The following ANXA4 variants were observed in gnomAD, a reference collection of about 807,000 sequenced individuals.
ANXA4 encodes 35-beta calcimedin.
A neutral mutation model predicts 49.8 loss-of-function variants in ANXA4; 39 were observed. The observed-to-expected ratio is 0.78, with a 90% CI of 0.61 to 1.02. ANXA4 has a LOEUF of 1.02. Ranked by LOEUF, ANXA4 falls within the 50% of genes least tolerant of loss-of-function variation. The pLI, the probability that ANXA4 is intolerant of heterozygous loss-of-function variation, is 0.00. For synonymous variants in ANXA4, 134 were observed against 152.5 expected, an observed-to-expected ratio of 0.88 and a Z score of 0.89; for missense variants, 360 against 410.1, an observed-to-expected ratio of 0.88 and a Z score of 1.05.
chr2:69,745,773 C>T (rs982280664), intron 1 of ANXA4, among the ~76,000 whole-genome samples: 87 of 152,214 alleles, frequency 5.7e-4, no homozygotes, highest in Non-Finnish European at 1.3e-4. Flanking sequence ...TCAGATGATC[C>T]GCTTGCATCA....
At chr2:69,678,189 A>G (rs759135978) in intron 2 of ANXA4, among the ~76,000 whole-genome samples, 4 of 152,054 alleles carry the variant, frequency 2.6e-5, no homozygotes, top group Non-Finnish European at 2.9e-5. Flanking sequence ...GCCATTTACA[A>G]TTTTTGTTAT....
intron 2 of ANXA4, among the ~76,000 whole-genome samples, chr2:69,680,570 T>C (rs935176260): frequency 1.3e-5 from 2 of 152,208 alleles, no homozygotes; most frequent in Non-Finnish European, 2.9e-5. Context: ...TGGGCATCCT[T>C]GTCTTGTTCC....
chr2:69,735,915 G>A (rs1404168222), intron 3 of ANXA4, among the ~76,000 whole-genome samples: 2 of 152,144 alleles, frequency 1.3e-5, no homozygotes, highest in Admixed American at 6.5e-5. Context: ...CTGGCACTGA[G>A]ACAGGGAAAA....
chr2:69,697,043 G>T (rs1229954064), intron 2 of ANXA4, among the ~76,000 whole-genome samples: 1 of 152,194 alleles, frequency 6.6e-6, no homozygotes, highest in African/African-American at 2.4e-5. Context: ...CCTAACAAGA[G>T]AGTCGCCTGT....
In ANXA4 at chr2:69,806,516, C is replaced by A; in HGVS notation, c.306+18C>A. On this transcript the variant is annotated intron_variant, in intron 5 of 12. Transcript: ENST00000394295. ...CCATGAAGGTCTGTGCTCTTCCTCT[C>A]GTGCTCTTGGTGCTGTTGGTGCAAA... The A allele has an allele frequency of 6.3e-7, 1 of 1,596,286 alleles. No homozygotes were observed. Among genetic ancestry groups the A allele is most frequent in the South Asian group, 1.1e-5 (1 of 90,706 alleles).
At chr2:69,690,050 C>T (rs1367499679) in intron 2 of ANXA4, among the ~76,000 whole-genome samples, 3 of 152,076 alleles carry the variant, frequency 2.0e-5, no homozygotes, top group Non-Finnish European at 2.9e-5. Flanking sequence ...AGGATCACTC[C>T]ATATATTCCT....
At chr2:69,670,072 G>A (rs1677115061) in intron 2 of ANXA4, among the ~76,000 whole-genome samples, 1 of 152,156 alleles carries the variant, frequency 6.6e-6, no homozygotes, top group Admixed American at 6.5e-5. Flanking sequence ...GACAGGGTAG[G>A]AACTGAAGCA....
intron 5 of ANXA4, among the ~76,000 whole-genome samples, chr2:69,807,334 T>C (rs1433596110): frequency 1.3e-5 from 2 of 152,080 alleles, no homozygotes; most frequent in Non-Finnish European, 2.9e-5. Context: ...GGCAAAAGAG[T>C]TCCTGGCTTC....
At position 69,777,416 on chromosome 2, in the gene ANXA4, C is replaced by T. The variant is rs554235395; in HGVS notation, c.-46-4104C>T. ...CATCCTATAGTTATCTGGGGGCTTT[C>T]CAGACGTCCCCTCATTAACATGAAC... On this transcript the variant is annotated intron_variant, in intron 1 of 12. Transcript: ENST00000394295. Among the ~76,000 whole-genome samples the T allele has an allele frequency of 3.3e-5, 5 of 152,260 alleles. No homozygotes were observed. The South Asian group carries it at 1.0e-3, about 32-fold the overall frequency.
At chr2:69,653,749 C>G (rs923713766) in intron 2 of ANXA4, among the ~76,000 whole-genome samples, 6 of 152,120 alleles carry the variant, frequency 3.9e-5, no homozygotes, top group Non-Finnish European at 8.8e-5. Context: ...AGCCATGCCT[C>G]CTTGTGAAGT....
rs148776613 is a variant in ANXA4, at chr2:69,696,594, T to G, written n.767-24180T>G. Among the ~76,000 whole-genome samples, 151 of 152,344 alleles carry G rather than the reference T, an allele frequency of 9.9e-4. 3 individuals carry two copies. The East Asian group carries it at 0.02, about 20-fold the overall frequency. ...CCTTTCCAGAAGGTTTTCAATTTAC[T>G]TTGCCCAGATCCATCAGAGGAATCA... is the stretch of plus-strand genomic sequence containing the variant. On this transcript the variant is annotated intron_variant and non_coding_transcript_variant, in intron 2 of 3. Transcript: ENST00000418066.
At chr2:69,698,683 C>T (rs1239107590) in intron 2 of ANXA4, among the ~76,000 whole-genome samples, 2 of 152,052 alleles carry the variant, frequency 1.3e-5, no homozygotes, top group African/African-American at 2.4e-5. Context: ...GTTACTGTCT[C>T]CATTATGCAG....
intron 1 of ANXA4, among the ~76,000 whole-genome samples, chr2:69,757,713 C>T (rs1039357037): frequency 6.6e-6 from 1 of 151,886 alleles, no homozygotes; most frequent in African/African-American, 2.4e-5. Context: ...AATCCCAGCA[C>T]TTTGGGAGGC....
At chr2:69,801,550 C>T (rs867009467) in intron 3 of ANXA4, among the ~76,000 whole-genome samples, 21 of 151,872 alleles carry the variant, frequency 1.4e-4, no homozygotes, top group Admixed American at 5.2e-4. Flanking sequence ...AATTACAGGC[C>T]CCCACCACCA....
At chr2:69,673,687 GACACACACAC>G (rs72114703) in intron 2 of ANXA4, among the ~76,000 whole-genome samples, 112 of 139,222 alleles carry the variant, frequency 8.0e-4, no homozygotes, top group Middle Eastern at 3.6e-3. Flanking sequence ...TTTTTTCAAA[GACACACACAC>G]ACACACACAC....
rs1670122656 is a variant in ANXA4, at chr2:69,732,209, C to T, written n.864+11338C>T. ...AGCCAGGATGGTCTCAATCTCCTGA[C>T]CTCGTGATCCGGCCGCCTCGGCCTC... On this transcript the variant is annotated intron_variant and non_coding_transcript_variant, in intron 3 of 3. Coordinates refer to the ANXA4 transcript ENST00000418066. 2.0e-5 allele frequency among the ~76,000 whole-genome samples: 3 copies of T among 151,432 alleles called. No individual in the cohort carries two copies. The South Asian group carries it at 6.2e-4, about 31-fold the overall frequency.
At chr2:69,806,607 A>G (rs1573296623) in intron 5 of ANXA4, 109 bp downstream of exon 5, 1 of 812,422 alleles carries the variant, frequency 1.2e-6, no homozygotes, top group East Asian at 2.6e-5. Context: ...CTAAACGCCC[A>G]TCAATGGTAG....
At chr2:69,743,855 G>A (rs887905869) in intron 1 of ANXA4, among the ~76,000 whole-genome samples, 5 of 152,148 alleles carry the variant, frequency 3.3e-5, no homozygotes, top group East Asian at 1.9e-4. Flanking sequence ...AGAGTAACCC[G>A]CACAGTCAAG....
intron 2 of ANXA4, among the ~76,000 whole-genome samples, chr2:69,711,685 T>G (rs1678682464): frequency 6.6e-6 from 1 of 152,124 alleles, no homozygotes; most frequent in Non-Finnish European, 1.5e-5. Context: ...TAAAGCCAAT[T>G]AAGAAAATAA....
Sources: allele counts gnomAD v4.1 joint callset (sites outside exome capture counted in the v4.1 genomes callset), GRCh38; gene constraint gnomAD v4.1.1; transcripts MANE v1.5; gene names NCBI Gene and HGNC (gene_info 2026-07-23, HGNC 2026-07-21).